Variants in NICOL1 observed in about 807,000 individuals in gnomAD.
The protein encoded by NICOL1 is NELL2 interacting cell ontogeny regulator 1.
At chr4:2,040,833 T>G in the NICOL1 span, among the ~76,000 whole-genome samples, 1 of 151,892 alleles carries the variant, frequency 6.6e-6, no homozygotes, top group African/African-American at 2.4e-5. Context: ...ACGGGCACGC[T>G]TCCCCAACCC....
the NICOL1 span, among the ~76,000 whole-genome samples, chr4:2,040,584 G>A: frequency 2.0e-5 from 3 of 152,202 alleles, no homozygotes; most frequent in African/African-American, 7.2e-5. Flanking sequence ...CTGGGGGACC[G>A]CGACGGCCTG....
At chr4:2,039,711 G>A in the NICOL1 span, among the ~76,000 whole-genome samples, 2 of 151,948 alleles carry the variant, frequency 1.3e-5, no homozygotes, top group Non-Finnish European at 1.5e-5. Flanking sequence ...GTGGTGGCAC[G>A]CACCTGTAGT....
the NICOL1 span, chr4:2,042,153 G>C: frequency 1.4e-6 from 2 of 1,456,758 alleles, no homozygotes; most frequent in East Asian, 5.8e-5. Flanking sequence ...GGAGACCGGC[G>C]GACTGGAGTC....
the NICOL1 span, chr4:2,042,887 T>G: frequency 8.6e-7 from 1 of 1,165,550 alleles, no homozygotes; most frequent in South Asian, 1.6e-5. Context: ...GCAGGGAGGA[T>G]GAGGAAGAGG....
At chr4:2,038,237 G>GTGTATATATATATA in the NICOL1 span, among the ~76,000 whole-genome samples, 13 of 91,454 alleles carry the variant, frequency 1.4e-4, 1 homozygote, top group Non-Finnish European at 2.1e-4. Context: ...TGATCAGTGT[G>GTGTATATATATATA]TATATATATA....
chr4:2,043,505 C>T, the NICOL1 span, among the ~76,000 whole-genome samples: 5 of 152,212 alleles, frequency 3.3e-5, no homozygotes, highest in African/African-American at 1.2e-4. Flanking sequence ...CCTCTCCCCA[C>T]TCACAGAGCC....
chr4:2,042,182 A>AG, the NICOL1 span: 1 of 895,934 alleles, frequency 1.1e-6, no homozygotes, highest in Non-Finnish European at 1.4e-6. Flanking sequence ...GGAGGTGGGG[A>AG]GGGGGCTCCC....
the NICOL1 span, chr4:2,042,864 G>A: frequency 7.2e-7 from 1 of 1,395,524 alleles, no homozygotes; most frequent in Admixed American, 2.5e-5. Flanking sequence ...GGGCTTCCCA[G>A]GGGGTGGGGA....
chr4:2,040,165 G>A, the NICOL1 span, among the ~76,000 whole-genome samples: 1 of 152,104 alleles, frequency 6.6e-6, no homozygotes, highest in Non-Finnish European at 1.5e-5. Context: ...GGAGTGCAGT[G>A]GTGTGATCTC....
the NICOL1 span, chr4:2,043,726 T>TG: frequency 1.5e-6 from 1 of 649,900 alleles, no homozygotes; most frequent in Admixed American, 3.1e-5. Context: ...GCTCTGGGTG[T>TG]GGGGGTTAGA....
the NICOL1 span, among the ~76,000 whole-genome samples, chr4:2,036,789 C>A: frequency 6.6e-6 from 1 of 151,988 alleles, no homozygotes; most frequent in Non-Finnish European, 1.5e-5. Flanking sequence ...CCGGAAGGAG[C>A]AAGTTTGGAA....
chr4:2,040,352 C>T, the NICOL1 span, among the ~76,000 whole-genome samples: 1 of 152,244 alleles, frequency 6.6e-6, no homozygotes, highest in Non-Finnish European at 1.5e-5. Flanking sequence ...GGTGATCCAC[C>T]GGCCTTGGCC....
chr4:2,042,071 A>G, the NICOL1 span: 3 of 1,482,674 alleles, frequency 2.0e-6, no homozygotes, highest in Non-Finnish European at 2.7e-6. Flanking sequence ...GAACCGCGGT[A>G]AGGGCGGTGG....
At chr4:2,043,731 G>C in the NICOL1 span, 1 of 683,148 alleles carries the variant, frequency 1.5e-6, no homozygotes, top group South Asian at 2.0e-5. Flanking sequence ...GGGTGTGGGG[G>C]TTAGAGCCAG....
chr4:2,041,154 G>GGGGA, the NICOL1 span, among the ~76,000 whole-genome samples: 1 of 148,816 alleles, frequency 6.7e-6, no homozygotes, highest in Non-Finnish European at 1.5e-5. Context: ...GTGGGGTGGG[G>GGGGA]GGGGAGCGGG....
chr4:2,038,237 G>GTGTGTGTA, the NICOL1 span, among the ~76,000 whole-genome samples: 9 of 91,466 alleles, frequency 9.8e-5, no homozygotes, highest in African/African-American at 2.9e-4. Context: ...TGATCAGTGT[G>GTGTGTGTA]TATATATATA....
chr4:2,037,677 A>G, the NICOL1 span, among the ~76,000 whole-genome samples: 7 of 152,318 alleles, frequency 4.6e-5, no homozygotes, highest in African/African-American at 1.7e-4. Context: ...TGTAAATAGG[A>G]TAAACATTTA....
chr4:2,038,216 C>T, the NICOL1 span, among the ~76,000 whole-genome samples: 1 of 104,196 alleles, frequency 9.6e-6, no homozygotes, highest in Non-Finnish European at 1.9e-5. Context: ...ATGTTTAAAG[C>T]CTTTATTAAG....
At chr4:2,041,155 G>GGGT in the NICOL1 span, among the ~76,000 whole-genome samples, 1 of 148,956 alleles carries the variant, frequency 6.7e-6, no homozygotes, top group African/African-American at 2.5e-5. Flanking sequence ...TGGGGTGGGG[G>GGGT]GGGAGCGGGG....
Sources: gnomAD v4.1 joint callset for allele counts (sites outside exome capture counted in the v4.1 genomes callset) on GRCh38, gnomAD v4.1.1 for gene constraint, MANE v1.5 for transcripts, NCBI Gene and HGNC (gene_info 2026-07-23, HGNC 2026-07-21) for gene names.